Variants in HRH1 observed in about 807,000 individuals in gnomAD.
HRH1 encodes the protein histamine receptor H1, also known as histamine H1 receptor.
In HRH1, 6 loss-of-function variants were observed where a neutral mutation model predicts 10.3. The observed-to-expected ratio is 0.58, with a 90% CI of 0.32 to 1.15. The LOEUF (loss-of-function observed/expected upper bound fraction) is 1.15, where lower values mean the gene tolerates loss of function less well. Ranked by LOEUF, HRH1 falls within the 50% of genes most tolerant of loss-of-function variation. The pLI is 0.05. For synonymous variants in HRH1, 242 were observed against 236.7 expected, an observed-to-expected ratio of 1.02 and a Z score of -0.21; for missense variants, 514 against 615.3, an observed-to-expected ratio of 0.84 and a Z score of 1.74.
intron 1 of HRH1, among the ~76,000 whole-genome samples, chr3:11,247,479 A>G (rs73121686): frequency 0.019 from 2,964 of 152,230 alleles, 104 homozygotes; most frequent in African/African-American, 0.068. Context: ...ATCTAAGCTA[A>G]TTCGATTGGC....
chr3:11,242,760 A>G (rs578015744), intron 1 of HRH1, among the ~76,000 whole-genome samples: 1 of 152,212 alleles, frequency 6.6e-6, no homozygotes, highest in East Asian at 1.9e-4. Flanking sequence ...AAAGTAGAAA[A>G]GTGGACCAAA....
chr3:11,165,619 G>A (rs1937015571), intron 1 of HRH1, among the ~76,000 whole-genome samples: 1 of 152,334 alleles, frequency 6.6e-6, no homozygotes, highest in East Asian at 1.9e-4. Flanking sequence ...GGGCCGGGTT[G>A]CTCCATCAGT....
chr3:11,204,281 C>T (rs1300158873), intron 1 of HRH1, among the ~76,000 whole-genome samples: 2 of 152,200 alleles, frequency 1.3e-5, no homozygotes, highest in African/African-American at 4.8e-5. Flanking sequence ...AGCTTACTGT[C>T]TGTGGGAGAG....
chr3:11,220,283 C>T (rs1444722541), intron 1 of HRH1, among the ~76,000 whole-genome samples: 2 of 152,148 alleles, frequency 1.3e-5, no homozygotes, highest in Admixed American at 6.5e-5. Context: ...ACCCCAAGTG[C>T]CACTGTCAGC....
At chr3:11,230,946 G>T (rs764261452) in intron 1 of HRH1, among the ~76,000 whole-genome samples, 1 of 152,172 alleles carries the variant, frequency 6.6e-6, no homozygotes, top group East Asian at 1.9e-4. Flanking sequence ...AAAGACAGTC[G>T]AGTACAGAAG....
rs1433850522 is a variant in HRH1, at chr3:11,262,131, C to T, written c.*1630C>T. On this transcript the variant is annotated 3_prime_UTR_variant, in exon 2 of 2. Coordinates refer to ENST00000431010, the MANE Select transcript of HRH1 (RefSeq NM_001098212.2). Reference sequence around the variant, plus strand: ...GTAGTTTTACTTGGTGTTTATGTTGCAATCTGGTTGTGATTTATATTTTAA... The same window carrying T: ...GTAGTTTTACTTGGTGTTTATGTTGTAATCTGGTTGTGATTTATATTTTAA... 6.0e-6 allele frequency: 1 copy of T among 167,040 alleles called. No homozygotes were observed. Among genetic ancestry groups the T allele is most frequent in the Non-Finnish European group, 1.5e-5 (1 of 68,122 alleles). The allele number at this position is 167,040 out of a possible 1,614,324, so 10.3% of individuals were successfully genotyped here. A position where few individuals can be genotyped will look rare whatever the true frequency, so the allele number is the denominator to read the frequency against.
upstream of HRH1, among the ~76,000 whole-genome samples, chr3:11,152,647 C>G (rs963208931): frequency 6.7e-5 from 10 of 150,306 alleles, no homozygotes; most frequent in African/African-American, 1.5e-4. Flanking sequence ...TCCATCCCCC[C>G]CTTACCTCCC....
intron 1 of HRH1, among the ~76,000 whole-genome samples, chr3:11,225,222 A>G (rs908893514): frequency 2.6e-5 from 4 of 152,220 alleles, no homozygotes; most frequent in African/African-American, 9.7e-5. Flanking sequence ...TTATCTTCAA[A>G]TAGTTTCACT....
intron 1 of HRH1, among the ~76,000 whole-genome samples, chr3:11,222,632 G>C (rs943813157): frequency 6.6e-6 from 1 of 152,042 alleles, no homozygotes; most frequent in Non-Finnish European, 1.5e-5. Context: ...GCAGGCTGAC[G>C]GGAAAGTACA....
At chr3:11,208,387 A>G (rs1302029321) in intron 1 of HRH1, among the ~76,000 whole-genome samples, 1 of 152,066 alleles carries the variant, frequency 6.6e-6, no homozygotes, top group African/African-American at 2.4e-5. Flanking sequence ...TCTGAGCTCA[A>G]GCGATCTACC....
chr3:11,210,717 C>T (rs781233542), intron 1 of HRH1, among the ~76,000 whole-genome samples: 2 of 149,662 alleles, frequency 1.3e-5, no homozygotes, highest in Non-Finnish European at 3.0e-5. Context: ...TGCTTGAGCT[C>T]GGGAGGCAGA....
At chr3:11,185,127 A>AAAC (rs1937431745) in intron 1 of HRH1, among the ~76,000 whole-genome samples, 1 of 152,082 alleles carries the variant, frequency 6.6e-6, no homozygotes, top group African/African-American at 2.4e-5. Context: ...GACTGTGAAA[A>AAAC]AACATTTGAA....
At chr3:11,180,601 T>C (rs1432902468) in intron 1 of HRH1, among the ~76,000 whole-genome samples, 3 of 152,108 alleles carry the variant, frequency 2.0e-5, no homozygotes, top group African/African-American at 7.2e-5. Context: ...TGGGTACCCC[T>C]GTCCTATACC....
At chr3:11,222,909 G>A (rs934608053) in intron 1 of HRH1, among the ~76,000 whole-genome samples, 2 of 151,822 alleles carry the variant, frequency 1.3e-5, no homozygotes, top group Admixed American at 6.6e-5. Flanking sequence ...CGCTCCAGCC[G>A]GGCGCGGTGG....
rs181775010 is a variant in HRH1, at chr3:11,241,729, C to T, written c.-35-17274C>T. Among the ~76,000 whole-genome samples the T allele has an allele frequency of 2.7e-3, 414 of 151,740 alleles. 3 individuals are homozygous for T. The highest frequency in any genetic ancestry group is 9.3e-3 in the African/African-American group (385 of 41,354). On this transcript the variant is annotated intron_variant, in intron 1 of 1. Transcript: ENST00000431010. ...CGGGCGCCTGTGGTCCCAGCTACTCCGGAGGCTGAGCCAGGAGAATGGCGC... is the reference window on the plus strand; with the variant it reads ...CGGGCGCCTGTGGTCCCAGCTACTCTGGAGGCTGAGCCAGGAGAATGGCGC...
intron 1 of HRH1, among the ~76,000 whole-genome samples, chr3:11,204,199 A>G (rs1412949116): frequency 6.6e-6 from 1 of 152,160 alleles, no homozygotes; most frequent in Non-Finnish European, 1.5e-5. Flanking sequence ...GGGACCTACT[A>G]TGTGATAAGC....
chr3:11,253,544 C>A lies in HRH1; in HGVS notation c.-35-5459C>A, dbSNP rs561748492. Among the ~76,000 whole-genome samples the A allele has an allele frequency of 3.2e-4, 48 of 152,274 alleles. 2 individuals are homozygous for A. The Middle Eastern group carries it at 0.02, about 65-fold the overall frequency. The stretch of plus-strand genomic sequence containing the variant: ...TGCTCTTTAAGCCTTTCTAAAAATT[C>A]TGTCGGTCCCTCATCTTTTCCCTGT... On this transcript the variant is annotated intron_variant, in intron 1 of 1. Coordinates refer to ENST00000431010, the MANE Select transcript of HRH1 (RefSeq NM_001098212.2).
intron 1 of HRH1, among the ~76,000 whole-genome samples, chr3:11,176,181 A>AAAAG (rs796312202): frequency 6.6e-6 from 1 of 151,816 alleles, no homozygotes; most frequent in African/African-American, 2.4e-5. Context: ...AAAAAAAAAA[A>AAAAG]AGAGAGAAAT....
chr3:11,234,186 T>C, intron 1 of HRH1: 1 of 942,714 alleles, frequency 1.1e-6, no homozygotes, highest in Non-Finnish European at 1.6e-6. Flanking sequence ...TCTTGGAAGG[T>C]GACAACAAGG....
Sources: allele counts gnomAD v4.1 joint callset (sites outside exome capture counted in the v4.1 genomes callset), GRCh38; gene constraint gnomAD v4.1.1; transcripts MANE v1.5; gene names NCBI Gene and HGNC (gene_info 2026-07-23, HGNC 2026-07-21).